The following MMP20 variants were observed in gnomAD, a reference collection of about 807,000 sequenced individuals.
MMP20 encodes matrix metallopeptidase 20.
A neutral mutation model predicts 51.8 loss-of-function variants in MMP20; 50 were observed. That is an observed-to-expected ratio of 0.97 (90% confidence interval 0.77 to 1.22). The LOEUF (loss-of-function observed/expected upper bound fraction) is 1.22, where lower values mean the gene tolerates loss of function less well. Ranked by LOEUF, MMP20 falls within the 50% of genes most tolerant of loss-of-function variation. The probability of loss-of-function intolerance (pLI) is 0.00; values close to 1 mark genes in which losing one functional copy is unlikely to be tolerated. For synonymous variants in MMP20, 244 were observed against 216.2 expected (o/e 1.13, Z -1.13); for missense variants, 663 against 601.4 (o/e 1.10, Z -1.07).
rs1167960459 is a variant in MMP20 at position 102,577,164 on chromosome 11, A to C, written c.*162T>G. The C allele has an allele frequency of 9.6e-6, 6 of 621,986 alleles. No homozygotes were observed. Among genetic ancestry groups the C allele is most frequent in the Non-Finnish European group, 1.7e-5 (6 of 349,626 alleles). The allele number at this position is 621,986 out of a possible 1,614,324, so 38.5% of individuals were successfully genotyped here. On this transcript the variant is annotated 3_prime_UTR_variant, in exon 10 of 10. Transcript: ENST00000260228. ...ATGTGGATTGAAATTCTGATTATAC[A>C]ACTATGAAAAAAATTGGAAGTATTA...
At chr11:102,596,669 G>A (rs946661617) in intron 6 of MMP20, among the ~76,000 whole-genome samples, 13 of 152,186 alleles carry the variant, frequency 8.5e-5, no homozygotes, top group African/African-American at 3.1e-4. Flanking sequence ...AAGGGCTGCT[G>A]GCCCAAAGGT....
At chr11:102,624,081 G>A (rs1208782053) in intron 1 of MMP20, among the ~76,000 whole-genome samples, 1 of 152,200 alleles carries the variant, frequency 6.6e-6, no homozygotes, top group African/African-American at 2.4e-5. Flanking sequence ...TGGTATGGCC[G>A]GGGAACTGAC....
At position 102,608,920 on chromosome 11, in the gene MMP20, G is replaced by T; in HGVS notation, c.811+17C>A. On this transcript the variant is annotated intron_variant, in intron 5 of 9. Transcript: ENST00000260228. ...GCCAATTTCAGGGTGAGTCATCAAAGAAGGTAATAATCTTACCGTATAATG... is the reference window on the plus strand; with the variant it reads ...GCCAATTTCAGGGTGAGTCATCAAATAAGGTAATAATCTTACCGTATAATG... The T allele has an allele frequency of 1.2e-6, 2 of 1,612,936 alleles. No homozygotes were observed. The highest frequency in any genetic ancestry group is 1.7e-6 in the Non-Finnish European group (2 of 1,178,994).
At chr11:102,600,234 T>C (rs530448060) in intron 6 of MMP20, among the ~76,000 whole-genome samples, 5 of 152,310 alleles carry the variant, frequency 3.3e-5, no homozygotes, top group South Asian at 2.1e-4. Flanking sequence ...CTCAAGCCCA[T>C]GGCATCCTGG....
Position 102,600,671 on chromosome 11 carries a change from G to C in MMP20, c.953+5864C>G, listed in dbSNP as rs544697949. Among the ~76,000 whole-genome samples, 5 of 152,162 alleles carry C rather than the reference G, an allele frequency of 3.3e-5. No homozygotes were observed. In the South Asian group the frequency reaches 6.2e-4, roughly 19 times the overall value. ...GCTAATTTTTTTTGTATTTTTAGTA[G>C]AGACAGGGTTTCACCATGTTTCCCA... On this transcript the variant is annotated intron_variant, in intron 6 of 9. Coordinates refer to ENST00000260228, the MANE Select transcript of MMP20 (RefSeq NM_004771.4).
chr11:102,578,392 C>T (rs531843527), intron 9 of MMP20, among the ~76,000 whole-genome samples: 8 of 152,292 alleles, frequency 5.3e-5, no homozygotes, highest in African/African-American at 1.7e-4. Context: ...CCACCTCATC[C>T]TCCCAAAGTG....
chr11:102,594,974 T>TGGCTCACTGCAACCTC (rs1162115875), intron 6 of MMP20, among the ~76,000 whole-genome samples: 2 of 151,620 alleles, frequency 1.3e-5, no homozygotes, highest in East Asian at 1.9e-4. Flanking sequence ...GGCATGATCT[T>TGGCTCACTGCAACCTC]GGCTCACTGC....
chr11:102,599,012 CT>C (rs3046928), intron 6 of MMP20, among the ~76,000 whole-genome samples: 45,993 of 127,538 alleles, frequency 0.36, 7,909 homozygotes, highest in East Asian at 0.45. Context: ...TTTCTTCTAT[CT>C]TTTTTTTTTT....
At chr11:102,591,514 C>T (rs550448215) in intron 8 of MMP20, among the ~76,000 whole-genome samples, 2 of 151,880 alleles carry the variant, frequency 1.3e-5, no homozygotes, top group Non-Finnish European at 2.9e-5. Context: ...CTGCTCTATG[C>T]AGACCTTGCT....
chr11:102,595,483 A>G (rs924924167), intron 6 of MMP20, among the ~76,000 whole-genome samples: 2 of 152,264 alleles, frequency 1.3e-5, no homozygotes, highest in African/African-American at 4.8e-5. Flanking sequence ...AAAATCTTAC[A>G]AAGGTAACTA....
intron 8 of MMP20, among the ~76,000 whole-genome samples, chr11:102,585,980 T>C (rs1842221554): frequency 6.6e-6 from 1 of 152,218 alleles, no homozygotes; most frequent in Non-Finnish European, 1.5e-5. Flanking sequence ...ATTCTTTTCA[T>C]ACGTTGCTGG....
Position 102,579,045 on chromosome 11 carries a change from A to T in MMP20, c.1345T>A (p.Leu449Ile). 6.2e-7 allele frequency: 1 copy of T among 1,607,796 alleles called. No individual in the cohort carries two copies. Among genetic ancestry groups the T allele is most frequent in the Non-Finnish European group, 8.5e-7 (1 of 1,174,278 alleles). The change falls in exon 9 of 10, where the codon TTA becomes ATA. Residue 449 changes from leucine to isoleucine, a missense_variant. Transcript: ENST00000260228. ...VNGQIDAAVE[L>I]NGYIYFFSGP... ...TTTCAGTGGAAACACTTACCATTTAATTCTACAGCAGCATCGATTTGGCCA... is the reference window on the plus strand; with the variant it reads ...TTTCAGTGGAAACACTTACCATTTATTTCTACAGCAGCATCGATTTGGCCA...
rs186128890 is a variant in MMP20, at chr11:102,618,403, T to C, written c.127-1344A>G. ...CATATAAACTATGCAAATTGTTTACTTACATATTATACACACATATTTTTA... is the reference window on the plus strand; with the variant it reads ...CATATAAACTATGCAAATTGTTTACCTACATATTATACACACATATTTTTA... On this transcript the variant is annotated intron_variant, in intron 1 of 9. Coordinates refer to ENST00000260228, the MANE Select transcript of MMP20 (RefSeq NM_004771.4). Among the ~76,000 whole-genome samples the C allele has an allele frequency of 1.7e-4, 26 of 151,768 alleles. 1 individual carries two copies. The highest frequency in any genetic ancestry group is 6.0e-4 in the African/African-American group (25 of 41,462).
At chr11:102,612,537 T>C (rs1021985161) in intron 2 of MMP20, among the ~76,000 whole-genome samples, 1 of 152,114 alleles carries the variant, frequency 6.6e-6, no homozygotes, top group Admixed American at 6.5e-5. Flanking sequence ...TCAATTTTTC[T>C]TAAAGTCGTT....
intron 1 of MMP20, among the ~76,000 whole-genome samples, chr11:102,618,017 A>G (rs1325363457): frequency 6.6e-6 from 1 of 152,228 alleles, no homozygotes; most frequent in African/African-American, 2.4e-5. Context: ...ATAAAATGGC[A>G]TAATATTTGC....
At chr11:102,588,003 T>C (rs1859273699) in intron 8 of MMP20, among the ~76,000 whole-genome samples, 1 of 152,138 alleles carries the variant, frequency 6.6e-6, no homozygotes. Flanking sequence ...TCTGTATAAC[T>C]CATGTCTTTT....
chr11:102,610,123 C>T, intron 3 of MMP20, 93 bp from the exon 4 acceptor site: 2 of 1,363,086 alleles, frequency 1.5e-6, no homozygotes, highest in South Asian at 2.4e-5. Context: ...TTTTGAGTAG[C>T]ATTGACACTT....
intron 8 of MMP20, among the ~76,000 whole-genome samples, chr11:102,591,454 G>A (rs1215505372): frequency 6.6e-6 from 1 of 152,184 alleles, no homozygotes; most frequent in Non-Finnish European, 1.5e-5. Flanking sequence ...GAAATTATTT[G>A]TTAGTTACCA....
chr11:102,620,203 G>C (rs556937515), intron 1 of MMP20, among the ~76,000 whole-genome samples: 1 of 152,250 alleles, frequency 6.6e-6, no homozygotes, highest in South Asian at 2.1e-4. Flanking sequence ...GTTAATGTTT[G>C]AGCTCTTTTT....
Sources: allele counts gnomAD v4.1 joint callset (sites outside exome capture counted in the v4.1 genomes callset), GRCh38; gene constraint gnomAD v4.1.1; transcripts MANE v1.5; gene names NCBI Gene and HGNC (gene_info 2026-07-23, HGNC 2026-07-21).